Variants in CROCC observed in about 807,000 individuals in gnomAD.
CROCC encodes the protein ciliary rootlet coiled-coil, rootletin, also known as rootletin.
Under a neutral mutation model 245.2 loss-of-function variants are expected in CROCC, and 180 were observed. The ratio of observed to expected loss-of-function variants is 0.73; its 90% CI spans 0.65 to 0.83. CROCC has a LOEUF of 0.83. Ranked by LOEUF, CROCC falls within the 40% of genes least tolerant of loss-of-function variation. The probability of loss-of-function intolerance (pLI) is 0.00; values close to 1 mark genes in which losing one functional copy is unlikely to be tolerated. For missense variants in CROCC, 2,688 were observed against 2,779.4 expected (o/e 0.97, Z 0.74); for synonymous variants, 1,205 against 1,241.6 (o/e 0.97, Z 0.62).
At chr1:16,930,972 TAAAG>T (rs1254183248) in intron 7 of CROCC, among the ~76,000 whole-genome samples, 4 of 152,274 alleles carry the variant, frequency 2.6e-5, no homozygotes, top group Admixed American at 6.5e-5. Context: ...AGTAAATAAA[TAAAG>T]AGAGTTTAAG....
At chr1:16,934,869 A>C in intron 8 of CROCC, among the ~76,000 whole-genome samples, 1 of 137,912 alleles carries the variant, frequency 7.3e-6, no homozygotes, top group African/African-American at 2.7e-5. Flanking sequence ...CCAAGTTACC[A>C]TGAGAAGCAT....
rs372187495 is a variant in CROCC, at chr1:16,933,714, C to T, written c.956+2317C>T. ...CTGCGTAGCTGGGATTACAGGAGTG[C>T]GCCACCACGCCCAGCTAACTTTTGT... On this transcript the variant is annotated intron_variant, in intron 8 of 36. Coordinates refer to ENST00000375541, the MANE Select transcript of CROCC (RefSeq NM_014675.5). 1.4e-4 allele frequency among the ~76,000 whole-genome samples: 21 copies of T among 152,332 alleles called. No individual in the cohort carries two copies. In the East Asian group the frequency reaches 3.5e-3, roughly 25 times the overall value.
At chr1:16,914,191 C>A (rs1416090360) in intron 1 of CROCC, among the ~76,000 whole-genome samples, 13 of 151,726 alleles carry the variant, frequency 8.6e-5, no homozygotes, top group African/African-American at 3.1e-4. Flanking sequence ...GCGCTCCCGG[C>A]GGAGGAGGCC....
In CROCC at chr1:16,954,403, A is replaced by C. The variant is rs1162381098; in HGVS notation, c.3321+46A>C. On this transcript the variant is annotated intron_variant, in intron 22 of 36. Coordinates refer to ENST00000375541, the MANE Select transcript of CROCC (RefSeq NM_014675.5). This position sits in a 1 kb window ranked among gnomAD's most constrained non-coding sequence, Gnocchi z 4.4. ...GGGCCTCTGTCTCATAGAGAGGCAC[A>C]TCCCTGGCTGAGGAGCCCCCACCAC... 1 of 1,579,316 alleles carries C rather than the reference A, an allele frequency of 6.3e-7. No homozygotes were observed. Among genetic ancestry groups the C allele is most frequent in the Non-Finnish European group, 8.6e-7 (1 of 1,159,254 alleles).
Position 16,958,562 on chromosome 1 carries a change from GCCA to G in CROCC, c.3865-20_3865-18del, listed in dbSNP as rs1304333720. 3 of 1,549,286 alleles carry G rather than the reference GCCA, an allele frequency of 1.9e-6. No individual in the cohort carries two copies. The East Asian group carries it at 7.3e-5, about 38-fold the overall frequency. ...GTACAGGGGCAGAGCTGAACCTGCT[GCCA>G]TTCCCGTGCTCTCACAGATGAAGAT... On this transcript the variant is annotated intron_variant, in intron 25 of 36. Coordinates refer to ENST00000375541, the MANE Select transcript of CROCC (RefSeq NM_014675.5).
Position 16,947,031 on chromosome 1 carries a change from T to A in CROCC, c.2514+40T>A, listed in dbSNP as rs2076065153. ...GTGTGGGGGTGGTGTGGAGAGCATG[T>A]GGGGCAGGCCGGGCTCCCAGCCCCC... On this transcript the variant is annotated intron_variant, in intron 17 of 36. Coordinates refer to ENST00000375541, the MANE Select transcript of CROCC (RefSeq NM_014675.5). 7 of 1,511,196 alleles carry A rather than the reference T, an allele frequency of 4.6e-6. No homozygotes were observed. In the East Asian group the frequency reaches 1.7e-4, roughly 37 times the overall value. The allele number at this position is 1,511,196 out of a possible 1,614,324, so 93.6% of individuals were successfully genotyped here.
upstream of CROCC, among the ~76,000 whole-genome samples, chr1:16,920,851 C>G (rs1280954161): frequency 1.3e-5 from 2 of 150,284 alleles, no homozygotes; most frequent in Non-Finnish European, 3.0e-5. Context: ...TCAATCGATT[C>G]TCCTGCCTCA....
In CROCC at chr1:16,961,120, A is replaced by G. The variant is rs1399466209; in HGVS notation, c.4395A>G (p.Ala1465=). 2.2e-6 allele frequency: 3 copies of G among 1,347,912 alleles called. No homozygotes were observed. The highest frequency in any genetic ancestry group is 2.8e-6 in the Non-Finnish European group (3 of 1,055,742). 83.5% of individuals were successfully genotyped at this position (1,347,912 alleles called of 1,614,324 possible). ...RPVPGSPARD[A]PAEGSGEGLN... ...TGCCCGGTTCCCCTGCCCGGGACGC[A>G]CCCGCAGAAGGTAAGGGCAGTGCCG... is the stretch of plus-strand genomic sequence containing the variant. The change falls in exon 27 of 37, where the codon GCA becomes GCG. Residue 1465 remains alanine, a synonymous_variant. Transcript: ENST00000375541.
At chr1:16,939,209 T>TGGGGGCGGGGGTGGGGGC (rs2075864725) in intron 12 of CROCC, 67 bp downstream of exon 12, 1 of 626,066 alleles carries the variant, frequency 1.6e-6, no homozygotes. Flanking sequence ...GCCCTCCGGG[T>TGGGGGCGGGGGTGGGGGC]GGGGGCGGGG....
Position 16,930,043 on chromosome 1 carries a change from C to A in CROCC, c.537+12C>A. ...GGCTGCAGGGCAAGGTCAGGACCACCCACTCCTGCTCCTGTCCTCCCACCT... is the reference window on the plus strand; with the variant it reads ...GGCTGCAGGGCAAGGTCAGGACCACACACTCCTGCTCCTGTCCTCCCACCT... On this transcript the variant is annotated intron_variant, in intron 4 of 36. Transcript: ENST00000375541. 1 of 1,568,986 alleles carries A rather than the reference C, an allele frequency of 6.4e-7. No homozygotes were observed. The highest frequency in any genetic ancestry group is 2.3e-5 in the East Asian group (1 of 43,728).
rs1418978906 is a variant in CROCC at position 16,970,785 on chromosome 1, C to A, written c.5784+18C>A. 1.3e-6 allele frequency: 2 copies of A among 1,551,302 alleles called. No individual in the cohort carries two copies. The highest frequency in any genetic ancestry group is 2.0e-5 in the Admixed American group (1 of 49,488). On this transcript the variant is annotated intron_variant, in intron 35 of 36. Transcript: ENST00000375541. ...AGCTGGAGGTCTGACCCCACCCAGTCCGGGACCCCAACTTCATCCCTAGTA... is the reference window on the plus strand; with the variant it reads ...AGCTGGAGGTCTGACCCCACCCAGTACGGGACCCCAACTTCATCCCTAGTA...
chr1:16,959,281 C>G (rs2076294056), intron 26 of CROCC, among the ~76,000 whole-genome samples: 1 of 152,208 alleles, frequency 6.6e-6, no homozygotes, highest in Non-Finnish European at 1.5e-5. Context: ...GCCTCGGCCT[C>G]CCAAAGTGCT....
intron 3 of CROCC, among the ~76,000 whole-genome samples, chr1:16,928,677 C>G (rs1327171476): frequency 6.6e-6 from 1 of 151,902 alleles, no homozygotes; most frequent in Non-Finnish European, 1.5e-5. Flanking sequence ...GTGGCGTGCA[C>G]CTGTAGTCCC....
At chr1:16,926,748 C>G (rs1428969886) in intron 3 of CROCC, among the ~76,000 whole-genome samples, 1 of 152,266 alleles carries the variant, frequency 6.6e-6, no homozygotes, top group Non-Finnish European at 1.5e-5. Context: ...TCCCTTGGCT[C>G]CAGAGGACAG....
intron 8 of CROCC, among the ~76,000 whole-genome samples, chr1:16,935,306 C>A (rs1378202173): frequency 6.6e-6 from 1 of 152,232 alleles, no homozygotes; most frequent in East Asian, 1.9e-4. Flanking sequence ...TTTGCATATA[C>A]GCCTGGTAAA....
chr1:16,958,847 C>A, intron 26 of CROCC, 97 bp downstream of exon 26: 1 of 1,356,076 alleles, frequency 7.4e-7, no homozygotes, highest in Non-Finnish European at 1.0e-6. Context: ...AGGCCACTCC[C>A]TAGGGCTTGC....
chr1:16,915,177 GAT>G (rs1394505964), intron 1 of CROCC, among the ~76,000 whole-genome samples: 1 of 152,284 alleles, frequency 6.6e-6, no homozygotes, highest in Non-Finnish European at 1.5e-5. Flanking sequence ...ATGCTGGCTG[GAT>G]ATGTGTTCGC....
In CROCC at chr1:16,966,547, C is replaced by T. The variant is rs960186449; in HGVS notation, c.4836C>T (p.Thr1612=). ...VATLERSLQA[T]ESELRASQEK... is the part of the protein sequence containing the mutation. ...CACTGGAGAGGAGCCTGCAGGCCAC[C>T]GAGAGCGAGCTCCGGGCCAGCCAGG... Residue 1612 remains threonine (T), a synonymous_variant, in exon 30 of 37, where the codon ACC becomes ACT. Transcript: ENST00000375541. This position sits in a 1 kb window ranked among gnomAD's most constrained non-coding sequence, Gnocchi z 4.8. 40 of 1,493,678 alleles carry T rather than the reference C, an allele frequency of 2.7e-5. No individual in the cohort carries two copies. The highest frequency in any genetic ancestry group is 1.5e-4 in the African/African-American group (11 of 71,438). 92.5% of individuals were successfully genotyped at this position (1,493,678 alleles called of 1,614,324 possible).
intron 26 of CROCC, 133 bp downstream of exon 26, chr1:16,958,883 TC>T (rs1481320010): frequency 9.6e-6 from 10 of 1,040,786 alleles, no homozygotes; most frequent in Middle Eastern, 3.2e-4. Context: ...TTGAGACTCT[TC>T]CCCAGTTGTA....
Sources: gnomAD v4.1 joint callset for allele counts (sites outside exome capture counted in the v4.1 genomes callset) on GRCh38, gnomAD v4.1.1 for gene constraint, Gnocchi (gnomAD v3.1) non-coding constraint, MANE v1.5 for transcripts, NCBI Gene and HGNC (gene_info 2026-07-23, HGNC 2026-07-21) for gene names.